The following PHYKPL variants were observed in gnomAD, a reference collection of about 807,000 sequenced individuals.
PHYKPL encodes the protein 5-phosphonooxy-L-lysine phospho-lyase.
A neutral mutation model predicts 51.3 loss-of-function variants in PHYKPL; 42 were observed. The ratio of observed to expected loss-of-function variants is 0.82; its 90% CI spans 0.64 to 1.06. The LOEUF (loss-of-function observed/expected upper bound fraction) is 1.06, where lower values mean the gene tolerates loss of function less well. Among genes scored for constraint, PHYKPL ranks in the 50% least tolerant of loss-of-function variants. The pLI is 0.00. For synonymous variants in PHYKPL, 264 were observed against 236.0 expected (o/e 1.12, Z -1.09); for missense variants, 655 against 586.6 (o/e 1.12, Z -1.20).
rs1763780154 is a variant in PHYKPL, at chr5:178,232,705, G to A, written c.-155C>T. ...CCCGCCCCGAAGCGCCCGCGTTGCG[G>A]TGGTTCATTTCTTCGCTTGCCCACT... On this transcript the variant is annotated 5_prime_UTR_variant, in exon 1 of 13. Transcript: ENST00000308158. 1.2e-6 allele frequency: 1 copy of A among 853,808 alleles called. No individual in the cohort carries two copies. Among genetic ancestry groups the A allele is most frequent in the South Asian group, 5.9e-5 (1 of 16,994 alleles). The allele number at this position is 853,808 out of a possible 1,614,324, so 52.9% of individuals were successfully genotyped here. A position where few individuals can be genotyped will look rare whatever the true frequency, so the allele number is the denominator to read the frequency against.
At chr5:178,212,938 CTA>C (rs757093003) in intron 11 of PHYKPL, 33 bp downstream of exon 11, 1 of 1,611,654 alleles carries the variant, frequency 6.2e-7, no homozygotes, top group South Asian at 1.1e-5. Context: ...AGGCTGAGTT[CTA>C]GAGATATGGC....
chr5:178,225,097 A>G (rs1554114233), intron 4 of PHYKPL: 2 of 575,570 alleles, frequency 3.5e-6, no homozygotes, highest in Admixed American at 3.0e-5. Flanking sequence ...TAGTTTGAAC[A>G]TGTACAATGT....
intron 1 of PHYKPL, 67 bp from the exon 2 acceptor site, chr5:178,231,590 A>T: frequency 6.2e-7 from 1 of 1,611,204 alleles, no homozygotes; most frequent in South Asian, 1.1e-5. Context: ...TACTCATCGC[A>T]GACCCCCGCC....
At chr5:178,207,198 A>G (rs777283513), downstream of PHYKPL, 5 of 1,614,204 alleles carry the variant, frequency 3.1e-6, no homozygotes, top group African/African-American at 1.3e-5. Context: ...TTCTGGAGAA[A>G]AAGTTCCATA....
chr5:178,214,739 A>G (rs1362361152), intron 10 of PHYKPL, 57 bp downstream of exon 10: 1 of 1,501,448 alleles, frequency 6.7e-7, no homozygotes, highest in African/African-American at 1.4e-5. Context: ...GGCCCTGCAA[A>G]GAGGTACCTG....
intron 1 of PHYKPL, chr5:178,232,278 C>A: frequency 1.6e-6 from 2 of 1,238,878 alleles, no homozygotes; most frequent in Non-Finnish European, 2.0e-6. Context: ...GTCGGGGAGG[C>A]GGCCCCGGAG....
intron 1 of PHYKPL, chr5:178,232,242 G>C (rs1763620849): frequency 8.1e-7 from 1 of 1,241,164 alleles, no homozygotes; most frequent in African/African-American, 1.6e-5. Context: ...GCCGTCTCCT[G>C]AACTGGGCGG....
chr5:178,230,114 C>T lies in PHYKPL; in HGVS notation c.179-15G>A. 2 of 1,612,912 alleles carry T rather than the reference C, an allele frequency of 1.2e-6. No individual in the cohort carries two copies. Among genetic ancestry groups the T allele is most frequent in the Non-Finnish European group, 8.5e-7 (1 of 1,179,694 alleles). The stretch of plus-strand genomic sequence containing the variant: ...GCAGTGCCCAACTGGAAGAGGGCCG[C>T]CTCCGTCACACGGCTGGCTCCACTC... On this transcript the variant is annotated splice_polypyrimidine_tract_variant and intron_variant, in intron 2 of 12. Coordinates refer to ENST00000308158, the MANE Select transcript of PHYKPL (RefSeq NM_153373.4).
At chr5:178,228,618 T>G (rs1561743015) in intron 3 of PHYKPL, 1 of 702,536 alleles carries the variant, frequency 1.4e-6, no homozygotes, top group Admixed American at 2.0e-5. Flanking sequence ...GAATTCCACT[T>G]CCTAGAAATT....
chr5:178,232,517 G>A lies in PHYKPL; in HGVS notation c.34C>T (p.Leu12=), dbSNP rs1006316196. Residue 12 remains leucine, a synonymous_variant, in exon 1 of 13, where the codon CTG becomes TTG. Transcript: ENST00000308158. ...CTGATGAGCCGTTGCCTCAGGGCCA[G>A]CGTGTCGGCCTTCGGGCGCTGGTCT... ...AADQRPKADT[L]ALRQRLISSS... The A allele has an allele frequency of 2.7e-5, 36 of 1,323,882 alleles. No homozygotes were observed. Among genetic ancestry groups the A allele is most frequent in the Non-Finnish European group, 3.4e-5 (35 of 1,044,240 alleles). The allele number at this position is 1,323,882 out of a possible 1,614,324, so 82.0% of individuals were successfully genotyped here. A position where few individuals can be genotyped will look rare whatever the true frequency, so the allele number is the denominator to read the frequency against.
chr5:178,220,020 T>TC (rs1760814891), intron 8 of PHYKPL, among the ~76,000 whole-genome samples: 1 of 147,192 alleles, frequency 6.8e-6, no homozygotes, highest in Non-Finnish European at 1.5e-5. Context: ...ATGGTGAAAC[T>TC]CCATCTGTAC....
At chr5:178,230,172 G>C in intron 2 of PHYKPL, 73 bp from the exon 3 acceptor site, 1 of 1,573,974 alleles carries the variant, frequency 6.4e-7, no homozygotes, top group African/African-American at 1.3e-5. Context: ...CCAGCCCCAA[G>C]CTATAAACCC....
chr5:178,222,803 C>G (rs576062060), intron 7 of PHYKPL, 49 bp downstream of exon 7: 4 of 1,597,114 alleles, frequency 2.5e-6, no homozygotes, highest in Non-Finnish European at 2.6e-6. Context: ...GTTGGAAAAC[C>G]TCATTAGACC....
At chr5:178,211,124 A>G (rs1758206776) in intron 12 of PHYKPL, 1 of 157,398 alleles carries the variant, frequency 6.4e-6, no homozygotes, top group Admixed American at 6.3e-5. Context: ...TGGATATTGA[A>G]GCTATCCAAG....
At chr5:178,218,258 CAT>C (rs1362483836) in intron 8 of PHYKPL, among the ~76,000 whole-genome samples, 1 of 148,786 alleles carries the variant, frequency 6.7e-6, no homozygotes, top group Admixed American at 6.7e-5. Context: ...GAAAAACAGT[CAT>C]ATAGACCCAA....
At chr5:178,213,291 A>C (rs1366894062) in intron 10 of PHYKPL, among the ~76,000 whole-genome samples, 188 bp from the exon 11 acceptor site, 1 of 152,162 alleles carries the variant, frequency 6.6e-6, no homozygotes, top group Admixed American at 6.5e-5. Flanking sequence ...CTTGGAGTGC[A>C]CTGCACCTGG....
intron 1 of PHYKPL, 185 bp from the exon 2 acceptor site, chr5:178,231,708 C>A (rs1389377366): frequency 1.3e-6 from 2 of 1,548,648 alleles, no homozygotes; most frequent in African/African-American, 2.7e-5. Flanking sequence ...AAGCAGGAAG[C>A]AGATGGGGTA....
At chr5:178,210,321 G>A in intron 12 of PHYKPL, 1 of 1,612,846 alleles carries the variant, frequency 6.2e-7, no homozygotes, top group Non-Finnish European at 8.5e-7. Flanking sequence ...CGTCCCCAGG[G>A]GAGGCAGGAC....
intron 12 of PHYKPL, chr5:178,210,431 AAC>A (rs1196337649): frequency 1.3e-6 from 2 of 1,517,032 alleles, no homozygotes; most frequent in African/African-American, 2.8e-5. Flanking sequence ...GGGTCTTAAT[AAC>A]ATGAGGAAGG....
Sources: gnomAD v4.1 joint callset for allele counts (sites outside exome capture counted in the v4.1 genomes callset) on GRCh38, gnomAD v4.1.1 for gene constraint, MANE v1.5 for transcripts, NCBI Gene and HGNC (gene_info 2026-07-23, HGNC 2026-07-21) for gene names.